The following CAMKMT variants were observed in gnomAD, a reference collection of about 807,000 sequenced individuals.
CAMKMT encodes calmodulin-lysine N-methyltransferase, also known as CaM KMT.
In CAMKMT, 53 loss-of-function variants were observed where a neutral mutation model predicts 48.0. The observed-to-expected ratio is 1.10, with a 90% confidence interval of 0.89 to 1.39. The LOEUF is 1.39. Among genes scored for constraint, CAMKMT ranks in the 40% most tolerant of loss-of-function variants. The probability of loss-of-function intolerance (pLI) is 0.00; values close to 1 mark genes in which losing one functional copy is unlikely to be tolerated. For synonymous variants in CAMKMT, 165 were observed against 152.3 expected, an observed-to-expected ratio of 1.08 and a Z score of -0.61; for missense variants, 428 against 402.7, an observed-to-expected ratio of 1.06 and a Z score of -0.54.
intron 3 of CAMKMT, among the ~76,000 whole-genome samples, chr2:44,437,052 T>A (rs1293757791): frequency 6.6e-6 from 1 of 152,168 alleles, no homozygotes; most frequent in African/African-American, 2.4e-5. Flanking sequence ...ATTTTATTTT[T>A]AAAAATCTTA....
chr2:44,661,310 CTTTTTTTTTT>C (rs764984677), intron 3 of CAMKMT, among the ~76,000 whole-genome samples: 35 of 89,178 alleles, frequency 3.9e-4, no homozygotes, highest in Non-Finnish European at 6.0e-4. Flanking sequence ...TGTGAGCAGC[CTTTTTTTTTT>C]TTTTTTTTTT....
chr2:44,658,543 G>A (rs973819065), intron 3 of CAMKMT, among the ~76,000 whole-genome samples: 11 of 152,144 alleles, frequency 7.2e-5, no homozygotes, highest in Middle Eastern at 3.2e-3. Flanking sequence ...TAGCAAAGCG[G>A]TTGAGATGCA....
chr2:44,380,823 AC>A (rs1298789484), intron 2 of CAMKMT, among the ~76,000 whole-genome samples: 1 of 152,044 alleles, frequency 6.6e-6, no homozygotes, highest in Non-Finnish European at 1.5e-5. Flanking sequence ...TCCACTGCCT[AC>A]CCCCTTAAAA....
chr2:44,636,168 G>A (rs1363756988), intron 3 of CAMKMT, among the ~76,000 whole-genome samples: 2 of 152,144 alleles, frequency 1.3e-5, no homozygotes, highest in Non-Finnish European at 2.9e-5. Flanking sequence ...AAATAAAGGT[G>A]GGGCACACTA....
rs138224896 is a variant in CAMKMT at position 44,697,852 on chromosome 2, A to T, written c.377-6431A>T. Reference sequence around the variant, plus strand: ...CTTGAAACTGAAAAATCAAGAAGCAACAATACAAACTTATTATGTAGAAAT... The same window carrying T: ...CTTGAAACTGAAAAATCAAGAAGCATCAATACAAACTTATTATGTAGAAAT... On this transcript the variant is annotated intron_variant, in intron 3 of 10. Coordinates refer to ENST00000378494, the MANE Select transcript of CAMKMT (RefSeq NM_024766.5). Among the ~76,000 whole-genome samples, 17 of 152,300 alleles carry T rather than the reference A, an allele frequency of 1.1e-4. No individual in the cohort carries two copies. The East Asian group carries it at 3.3e-3, about 29-fold the overall frequency.
intron 3 of CAMKMT, among the ~76,000 whole-genome samples, chr2:44,440,860 T>C (rs1158257451): frequency 6.6e-6 from 1 of 152,210 alleles, no homozygotes; most frequent in African/African-American, 2.4e-5. Flanking sequence ...TATCATGGTA[T>C]TATTTTTCAC....
chr2:44,673,354 G>C (rs1675442464), intron 3 of CAMKMT, among the ~76,000 whole-genome samples: 1 of 151,088 alleles, frequency 6.6e-6, no homozygotes, highest in South Asian at 2.1e-4. Flanking sequence ...TTGAGCTTCA[G>C]AGGTCAAGGC....
At chr2:44,390,853 A>G (rs1174290872) in intron 3 of CAMKMT, among the ~76,000 whole-genome samples, 3 of 152,186 alleles carry the variant, frequency 2.0e-5, no homozygotes, top group East Asian at 3.8e-4. Flanking sequence ...TTAATTGGTG[A>G]TAGATTTGTC....
chr2:44,482,603 G>C (rs766165797), intron 3 of CAMKMT, among the ~76,000 whole-genome samples: 1 of 152,062 alleles, frequency 6.6e-6, no homozygotes, highest in Non-Finnish European at 1.5e-5. Flanking sequence ...GTTCTATTTT[G>C]AGTAAATAAT....
chr2:44,581,689 T>C (rs1006832316), intron 3 of CAMKMT, among the ~76,000 whole-genome samples: 1 of 152,238 alleles, frequency 6.6e-6, no homozygotes, highest in Non-Finnish European at 1.5e-5. Context: ...TTATAGCTGG[T>C]GGCTGTTTTT....
intron 3 of CAMKMT, among the ~76,000 whole-genome samples, chr2:44,429,620 T>C (rs1488472972): frequency 6.6e-6 from 1 of 151,538 alleles, no homozygotes; most frequent in East Asian, 1.9e-4. Context: ...GCTAACAAGG[T>C]GAAACCCCGT....
At chr2:44,564,264 C>A (rs1408559934) in intron 3 of CAMKMT, among the ~76,000 whole-genome samples, 1 of 151,550 alleles carries the variant, frequency 6.6e-6, no homozygotes, top group African/African-American at 2.4e-5. Context: ...TAACCTCCGC[C>A]TTCCGGGTTC....
chr2:44,624,489 C>A (rs1194027929), intron 3 of CAMKMT, among the ~76,000 whole-genome samples: 2 of 152,078 alleles, frequency 1.3e-5, no homozygotes, highest in African/African-American at 4.8e-5. Flanking sequence ...GCCCCCACCC[C>A]ACAACAGTCC....
chr2:44,598,670 C>A, intron 3 of CAMKMT, among the ~76,000 whole-genome samples: 1 of 95,954 alleles, frequency 1.0e-5, no homozygotes, highest in African/African-American at 3.3e-5. Flanking sequence ...TCAGAAGAAC[C>A]TAATTTGCAG....
chr2:44,593,022 G>T (rs1184078253), intron 3 of CAMKMT, among the ~76,000 whole-genome samples: 1 of 152,162 alleles, frequency 6.6e-6, no homozygotes, highest in African/African-American at 2.4e-5. Flanking sequence ...TGACTATAAT[G>T]ATAAGTATTT....
At chr2:44,527,373 A>G (rs1666192516) in intron 3 of CAMKMT, among the ~76,000 whole-genome samples, 2 of 143,190 alleles carry the variant, frequency 1.4e-5, no homozygotes, top group African/African-American at 2.6e-5. Flanking sequence ...ACGTATATAC[A>G]TACATATAAT....
chr2:44,487,490 CAAATT>C (rs1558651418), intron 3 of CAMKMT, among the ~76,000 whole-genome samples: 1 of 152,110 alleles, frequency 6.6e-6, no homozygotes, highest in Non-Finnish European at 1.5e-5. Context: ...TGCTTTCTGT[CAAATT>C]AACAGGTTTT....
intron 9 of CAMKMT, among the ~76,000 whole-genome samples, chr2:44,755,649 A>C (rs1680340695): frequency 6.6e-6 from 1 of 152,186 alleles, no homozygotes; most frequent in South Asian, 2.1e-4. Context: ...TTTACAATAG[A>C]AAAGTGCCCA....
chr2:44,516,658 A>G (rs1407727386), intron 3 of CAMKMT, among the ~76,000 whole-genome samples: 1 of 151,788 alleles, frequency 6.6e-6, no homozygotes, highest in African/African-American at 2.4e-5. Flanking sequence ...AAAGTATTAT[A>G]TATGCTATTT....
Sources: allele counts gnomAD v4.1 joint callset (sites outside exome capture counted in the v4.1 genomes callset), GRCh38; gene constraint gnomAD v4.1.1; transcripts MANE v1.5; gene names NCBI Gene and HGNC (gene_info 2026-07-23, HGNC 2026-07-21).